Variants in PLAC1 observed in about 807,000 individuals in gnomAD.
The protein encoded by PLAC1 is placenta associated 1, also known as placenta-specific protein 1.
For missense variants in PLAC1, 136 were observed against 163.2 expected, an observed-to-expected ratio of 0.83 and a Z score of 0.91; for synonymous variants, 68 against 62.1, an observed-to-expected ratio of 1.09 and a Z score of -0.44.
At chrX:134,696,260 G>A (rs1223322162) in intron 2 of PLAC1, among the ~76,000 whole-genome samples, 1 of 111,169 alleles carries the variant, frequency 9.0e-6, no homozygotes, top group African/African-American at 3.3e-5. Context: ...GCATGGTACA[G>A]TACAGGAGAA....
intron 1 of PLAC1, among the ~76,000 whole-genome samples, chrX:134,752,708 C>T (rs2078747599): frequency 1.8e-5 from 2 of 111,445 alleles, no homozygotes; most frequent in African/African-American, 3.3e-5. Context: ...CCCTGACAAA[C>T]ATCCTTGAAA....
At chrX:134,663,058 G>A (rs2078422101), upstream of PLAC1, among the ~76,000 whole-genome samples, 1 of 112,620 alleles carries the variant, frequency 8.9e-6, no homozygotes. Context: ...TAAAAATTGT[G>A]TTGTCTCAGT....
chrX:134,689,704 C>A (rs1046478813), intron 2 of PLAC1, among the ~76,000 whole-genome samples: 2 of 111,793 alleles, frequency 1.8e-5, no homozygotes, highest in Non-Finnish European at 3.8e-5. Flanking sequence ...AGCCTTGGTG[C>A]CCTCCTAAGT....
intron 1 of PLAC1, among the ~76,000 whole-genome samples, chrX:134,755,443 A>G (rs2078754355): frequency 8.9e-6 from 1 of 112,269 alleles, no homozygotes; most frequent in Non-Finnish European, 1.9e-5. Context: ...GGTAACTAGT[A>G]TGGAAGACAG....
At chrX:134,712,843 T>C (rs1323158562) in intron 2 of PLAC1, among the ~76,000 whole-genome samples, 5 of 111,610 alleles carry the variant, frequency 4.5e-5, no homozygotes, top group African/African-American at 6.5e-5. Context: ...CCCATGAGTG[T>C]CCTTGGGGAA....
At chrX:134,697,810 G>A (rs1390257332) in intron 2 of PLAC1, among the ~76,000 whole-genome samples, 4 of 112,064 alleles carry the variant, frequency 3.6e-5, no homozygotes, top group Non-Finnish European at 7.5e-5. Flanking sequence ...AGAGGTTGCA[G>A]TGAGCAGAGA....
intron 1 of PLAC1, chrX:134,606,012 C>T (rs1386678216): frequency 1.8e-5 from 2 of 111,101 alleles, no homozygotes; most frequent in Admixed American, 9.5e-5. Context: ...GAAGCCGAGG[C>T]GGGTGGATCA....
intron 2 of PLAC1, among the ~76,000 whole-genome samples, chrX:134,715,444 C>T (rs2078640577): frequency 1.8e-5 from 2 of 109,743 alleles, no homozygotes; most frequent in South Asian, 4.0e-4. Flanking sequence ...ATCCTGCCCA[C>T]GGCCCCCCAC....
intron 2 of PLAC1, among the ~76,000 whole-genome samples, chrX:134,688,869 C>G (rs2078527325): frequency 8.9e-6 from 1 of 111,907 alleles, no homozygotes; most frequent in Non-Finnish European, 1.9e-5. Flanking sequence ...TGGAAACTAC[C>G]TTTACTTGGA....
At position 134,653,510 on chromosome X, in the gene PLAC1, T is replaced by C. The variant is rs190358888; in HGVS notation, c.-131+4818A>G. On this transcript the variant is annotated intron_variant, in intron 1 of 2. Transcript: ENST00000359237. ...ACAAGCCAATGCAGTCCTCTGCCAT[T>C]GTGGGTCCCTAAAATGACATTGGGC... Among the ~76,000 whole-genome samples, 3 of 111,622 alleles carry C rather than the reference T, an allele frequency of 2.7e-5. No individual in the cohort carries two copies. In the East Asian group the frequency reaches 8.5e-4, roughly 32 times the overall value.
intron 1 of PLAC1, among the ~76,000 whole-genome samples, chrX:134,616,504 C>T (rs1486657512): frequency 9.1e-6 from 1 of 109,585 alleles, no homozygotes; most frequent in Non-Finnish European, 1.9e-5. Context: ...GGCATGGTGG[C>T]GGGCGCCTGT....
At position 134,583,139 on chromosome X, in the gene PLAC1, T is replaced by TA. The variant is rs766808226; in HGVS notation, c.-58-16400dup. 5.4e-5 allele frequency among the ~76,000 whole-genome samples: 6 copies of TA among 111,820 alleles called. No homozygotes were observed. The East Asian group carries it at 1.7e-3, about 31-fold the overall frequency. On this transcript the variant is annotated intron_variant, in intron 2 of 2. Transcript: ENST00000359237. ...AATTATTATTGTTGAATATAGAAAT[T>TA]AGACTAAACCACACATGGAAACAGA...
chrX:134,590,215 A>T (rs992424413), intron 2 of PLAC1, among the ~76,000 whole-genome samples: 1 of 110,101 alleles, frequency 9.1e-6, no homozygotes, highest in Non-Finnish European at 1.9e-5. Flanking sequence ...AAATAAATAA[A>T]TAATAAATAA....
At chrX:134,721,790 G>A (rs1444935465) in intron 2 of PLAC1, among the ~76,000 whole-genome samples, 1 of 110,250 alleles carries the variant, frequency 9.1e-6, no homozygotes, top group South Asian at 4.0e-4. Flanking sequence ...TTGAACCTGG[G>A]AGGCAGAGGT....
intron 1 of PLAC1, among the ~76,000 whole-genome samples, chrX:134,602,509 C>T (rs914635619): frequency 3.6e-5 from 4 of 112,382 alleles, no homozygotes; most frequent in Admixed American, 1.9e-4. Context: ...GTAGAGGTTT[C>T]AGTATATGAT....
intron 1 of PLAC1, among the ~76,000 whole-genome samples, chrX:134,741,799 C>T (rs891582906): frequency 8.1e-5 from 9 of 110,619 alleles, no homozygotes; most frequent in African/African-American, 2.6e-4. Context: ...GCCTCCAAAC[C>T]GAGCATGTTT....
intron 2 of PLAC1, among the ~76,000 whole-genome samples, chrX:134,586,439 C>T (rs1030696900): frequency 2.7e-5 from 3 of 111,729 alleles, no homozygotes; most frequent in Non-Finnish European, 5.6e-5. Context: ...CAACATTCCA[C>T]CCAGGTGCTC....
At chrX:134,729,523 G>A (rs151273913) in intron 2 of PLAC1, among the ~76,000 whole-genome samples, 2,782 of 111,632 alleles carry the variant, frequency 0.025, 102 homozygotes, top group African/African-American at 0.086. Flanking sequence ...CCATTTGACC[G>A]TGTCAGGGGC....
At chrX:134,708,944 A>G (rs1241647241) in intron 2 of PLAC1, among the ~76,000 whole-genome samples, 2 of 111,865 alleles carry the variant, frequency 1.8e-5, no homozygotes, top group Non-Finnish European at 3.8e-5. Flanking sequence ...TACTCTAGTT[A>G]TGTAAAATAT....
Sources: gnomAD v4.1 joint callset for allele counts (sites outside exome capture counted in the v4.1 genomes callset) on GRCh38, gnomAD v4.1.1 for gene constraint, MANE v1.5 for transcripts, NCBI Gene and HGNC (gene_info 2026-07-23, HGNC 2026-07-21) for gene names.